Variants in GABRG2 observed in about 807,000 individuals in gnomAD.
GABRG2 encodes gamma-aminobutyric acid receptor subunit gamma-2.
GABRG2 carries 16 observed loss-of-function variants against 56.4 expected under a neutral mutation model. The ratio of observed to expected loss-of-function variants is 0.28; its 90% CI spans 0.19 to 0.43. The LOEUF (loss-of-function observed/expected upper bound fraction) is 0.43. GABRG2 is among the 20% of genes least tolerant of loss of function. The pLI is 1.00. For missense variants in GABRG2, 327 were observed against 582.7 expected (o/e 0.56, Z 4.52); for synonymous variants, 208 against 205.5 (o/e 1.01, Z -0.10).
At chr5:162,109,154 A>G (rs979613563) in intron 6 of GABRG2, among the ~76,000 whole-genome samples, 2 of 151,928 alleles carry the variant, frequency 1.3e-5, no homozygotes, top group Non-Finnish European at 2.9e-5. Flanking sequence ...AAAAAATCAA[A>G]CACCGCATGT....
At chr5:162,081,064 G>C (rs553107542) in intron 1 of GABRG2, among the ~76,000 whole-genome samples, 6 of 152,130 alleles carry the variant, frequency 3.9e-5, no homozygotes, top group Middle Eastern at 6.8e-3. Context: ...ATTGACAAAA[G>C]TATACTTATT....
intron 6 of GABRG2, among the ~76,000 whole-genome samples, chr5:162,141,560 A>G (rs1382552622): frequency 6.6e-6 from 1 of 152,216 alleles, no homozygotes; most frequent in Non-Finnish European, 1.5e-5. Flanking sequence ...GTAGGGGGAA[A>G]GATACTGCAA....
chr5:162,143,301 T>C (rs893624121), intron 7 of GABRG2, among the ~76,000 whole-genome samples: 4 of 152,228 alleles, frequency 2.6e-5, no homozygotes, highest in East Asian at 1.9e-4. Flanking sequence ...ATCGGCTCTT[T>C]ACAGAACAGC....
chr5:162,070,828 T>A (rs73321084), intron 1 of GABRG2, among the ~76,000 whole-genome samples: 2,208 of 152,080 alleles, frequency 0.015, 56 homozygotes, highest in African/African-American at 0.05. Context: ...TGAATCATTA[T>A]GTCTGGGGAG....
At chr5:162,147,970 G>A (rs923698818) in intron 7 of GABRG2, among the ~76,000 whole-genome samples, 1 of 152,170 alleles carries the variant, frequency 6.6e-6, no homozygotes, top group Non-Finnish European at 1.5e-5. Context: ...CTGAGGCCTA[G>A]AGTGTTAAGA....
chr5:162,140,777 A>G (rs934366687), intron 6 of GABRG2, among the ~76,000 whole-genome samples: 9 of 152,244 alleles, frequency 5.9e-5, no homozygotes, highest in African/African-American at 1.9e-4. Flanking sequence ...AAAAAGATGT[A>G]GTAACTGAGA....
At chr5:162,130,987 A>T (rs767361429) in intron 6 of GABRG2, among the ~76,000 whole-genome samples, 3 of 152,012 alleles carry the variant, frequency 2.0e-5, no homozygotes, top group Non-Finnish European at 2.9e-5. Flanking sequence ...GAATTATGAG[A>T]TCCATTCAAT....
At chr5:162,149,669 A>G (rs1381258953) in intron 8 of GABRG2, 2 of 594,634 alleles carry the variant, frequency 3.4e-6, no homozygotes, top group Non-Finnish European at 6.4e-6. Context: ...GCTGGAGTGC[A>G]GTGGCGGGAT....
At chr5:162,148,254 T>G (rs577851392) in intron 7 of GABRG2, among the ~76,000 whole-genome samples, 1 of 152,356 alleles carries the variant, frequency 6.6e-6, no homozygotes, top group African/African-American at 2.4e-5. Flanking sequence ...AACTATTGGA[T>G]GTGGTACTGG....
In GABRG2 at chr5:162,153,705, A is replaced by G. The variant is rs1022898726; in HGVS notation, c.*337A>G. 3 of 377,800 alleles carry G rather than the reference A, an allele frequency of 7.9e-6. No individual in the cohort carries two copies. The highest frequency in any genetic ancestry group is 1.5e-5 in the Non-Finnish European group (3 of 202,216). The allele number at this position is 377,800 out of a possible 1,614,324, so 23.4% of individuals were successfully genotyped here. The stretch of plus-strand genomic sequence containing the variant: ...GTAGTGGTATCCTTACTAGATTCAT[A>G]ATGCAATTAGATAGAAAAGGTCCAA... On this transcript the variant is annotated 3_prime_UTR_variant, in exon 10 of 10. Coordinates refer to ENST00000639213, the MANE Select transcript of GABRG2 (RefSeq NM_198904.4).
chr5:162,103,857 T>A (rs1379016024), intron 5 of GABRG2, 32 bp from the exon 6 acceptor site: 2 of 1,613,054 alleles, frequency 1.2e-6, no homozygotes, highest in African/African-American at 1.3e-5. Flanking sequence ...TTTATAATCA[T>A]TTTTAATGTG....
intron 4 of GABRG2, chr5:162,098,679 A>T (rs1264194513): frequency 2.0e-5 from 3 of 152,128 alleles, no homozygotes; most frequent in African/African-American, 7.2e-5. Context: ...ATATAAAGGG[A>T]CTTAGGGGCA....
chr5:162,078,582 T>C (rs1166530221), intron 1 of GABRG2, among the ~76,000 whole-genome samples: 1 of 151,044 alleles, frequency 6.6e-6, no homozygotes, highest in African/African-American at 2.4e-5. Context: ...ATTTTTTACA[T>C]TTTTAGTAGA....
chr5:162,131,210 G>A (rs774083158), intron 6 of GABRG2, among the ~76,000 whole-genome samples: 1 of 151,972 alleles, frequency 6.6e-6, no homozygotes, highest in South Asian at 2.1e-4. Flanking sequence ...CTGAATATGT[G>A]TACTATAGAC....
intron 1 of GABRG2, among the ~76,000 whole-genome samples, chr5:162,073,984 C>T (rs1400582283): frequency 1.3e-5 from 2 of 151,776 alleles, no homozygotes; most frequent in Admixed American, 6.6e-5. Context: ...AGTATAGTCA[C>T]CCCCCGGCTT....
intron 1 of GABRG2, among the ~76,000 whole-genome samples, chr5:162,092,980 G>A (rs765953435): frequency 3.7e-4 from 57 of 152,222 alleles, no homozygotes; most frequent in Admixed American, 7.9e-4. Flanking sequence ...GTTAGGGGGA[G>A]AGGTAAGCTA....
At chr5:162,078,621 G>A (rs1019442078) in intron 1 of GABRG2, among the ~76,000 whole-genome samples, 2 of 150,852 alleles carry the variant, frequency 1.3e-5, no homozygotes, top group Non-Finnish European at 3.0e-5. Context: ...TAGCCAGGAT[G>A]GTCTCAATCT....
chr5:162,133,446 C>T (rs929866410), intron 6 of GABRG2, among the ~76,000 whole-genome samples: 3 of 152,018 alleles, frequency 2.0e-5, no homozygotes, highest in Non-Finnish European at 2.9e-5. Flanking sequence ...AATTGCCCTG[C>T]GTTTATGTAA....
chr5:162,125,400 T>G (rs1333267502), intron 6 of GABRG2, among the ~76,000 whole-genome samples: 1 of 150,774 alleles, frequency 6.6e-6, no homozygotes, highest in Non-Finnish European at 1.5e-5. Context: ...TCAAAGAGTG[T>G]CTGGATTCTA....
Sources: gnomAD v4.1 joint callset for allele counts (sites outside exome capture counted in the v4.1 genomes callset) on GRCh38, gnomAD v4.1.1 for gene constraint, MANE v1.5 for transcripts, NCBI Gene and HGNC (gene_info 2026-07-23, HGNC 2026-07-21) for gene names.